Variants in SEPTIN9 observed in about 807,000 individuals in gnomAD.
SEPTIN9 encodes the protein septin-9.
SEPTIN9 carries 13 observed loss-of-function variants against 56.6 expected under a neutral mutation model. The observed-to-expected ratio is 0.23, with a 90% CI of 0.15 to 0.37. The LOEUF (loss-of-function observed/expected upper bound fraction) is 0.37, where lower values mean the gene tolerates loss of function less well. Among genes scored for constraint, SEPTIN9 ranks in the 10% least tolerant of loss-of-function variants. SEPTIN9 has a pLI of 1.00. For missense variants in SEPTIN9, 650 were observed against 823.1 expected, an observed-to-expected ratio of 0.79 and a Z score of 2.57; for synonymous variants, 332 against 334.1, an observed-to-expected ratio of 0.99 and a Z score of 0.07.
intron 2 of SEPTIN9, chr17:77,374,853 CG>C (rs1248159018): frequency 2.0e-5 from 3 of 152,140 alleles, no homozygotes; most frequent in Non-Finnish European, 4.4e-5. Context: ...TGTGGGGCGG[CG>C]AAGGGACGGG....
rs2039161144 is a variant in SEPTIN9 at position 77,475,261 on chromosome 17, ACTGT to A, written c.722-6879_722-6876del. ...ATTATTCAGTTACCATCGTGGGGAG[ACTGT>A]CTGGACGCAGAGAGCAGGCTCTGTG... On this transcript the variant is annotated intron_variant, in intron 3 of 11. Transcript: ENST00000427177. The surrounding 1 kb of genome is among the most constrained non-coding windows in gnomAD (Gnocchi z 4.6). 2.2e-6 allele frequency: 3 copies of A among 1,380,780 alleles called. No individual in the cohort carries two copies. The highest frequency in any genetic ancestry group is 1.7e-5 in the South Asian group (1 of 59,100). The allele number at this position is 1,380,780 out of a possible 1,614,324, so 85.5% of individuals were successfully genotyped here.
intron 2 of SEPTIN9, chr17:77,373,526 T>C: frequency 1.3e-6 from 2 of 1,544,528 alleles, no homozygotes; most frequent in Non-Finnish European, 1.7e-6. Context: ...AACGCGCAGC[T>C]GGATGGGATC....
At chr17:77,348,256 GTTAA>G (rs1216291611) in intron 2 of SEPTIN9, among the ~76,000 whole-genome samples, 8 of 116,114 alleles carry the variant, frequency 6.9e-5, no homozygotes, top group Non-Finnish European at 1.5e-4. Context: ...CTTCTTTTAT[GTTAA>G]TTAAGTATTT....
At chr17:77,490,939 A>G in intron 8 of SEPTIN9, 80 bp downstream of exon 8, 1 of 1,118,874 alleles carries the variant, frequency 8.9e-7, no homozygotes, top group African/African-American at 1.5e-5. Context: ...CACCCCGTCT[A>G]AAGGAGTCAC....
At chr17:77,293,205 G>T (rs770726878) in intron 1 of SEPTIN9, among the ~76,000 whole-genome samples, 10 of 151,966 alleles carry the variant, frequency 6.6e-5, no homozygotes, top group Non-Finnish European at 1.3e-4. Flanking sequence ...TTTTTGTAGA[G>T]ACAGGGTCTT....
At chr17:77,393,805 C>T (rs776637067) in intron 2 of SEPTIN9, among the ~76,000 whole-genome samples, 6 of 152,192 alleles carry the variant, frequency 3.9e-5, no homozygotes, top group East Asian at 1.9e-4. Context: ...AGGCTGGTCT[C>T]GAACTCCTGA....
At chr17:77,301,098 G>C (rs899321456) in intron 1 of SEPTIN9, among the ~76,000 whole-genome samples, 1 of 137,146 alleles carries the variant, frequency 7.3e-6, no homozygotes, top group East Asian at 2.2e-4. Flanking sequence ...GGCTCAAACC[G>C]CCCCCACCCC....
At position 77,488,280 on chromosome 17, in the gene SEPTIN9, T is replaced by C. The variant is rs1286148666; in HGVS notation, c.1083T>C (p.Ile361=). 6.2e-7 allele frequency: 1 copy of C among 1,613,760 alleles called. No homozygotes were observed. Among genetic ancestry groups the C allele is most frequent in the Admixed American group, 1.7e-5 (1 of 60,026 alleles). The part of the protein sequence containing the change: ...EKGVRMKLTV[I]DTPGFGDHIN... The stretch of plus-strand genomic sequence containing the variant: ...GCGTCCGGATGAAGCTGACAGTGAT[T>C]GACACACCAGGGTTCGGGGACCACA... Residue 361 remains isoleucine, a synonymous_variant, in exon 6 of 12, where the codon ATT becomes ATC. Coordinates refer to ENST00000427177, the MANE Select transcript of SEPTIN9 (RefSeq NM_001113491.2).
intron 3 of SEPTIN9, among the ~76,000 whole-genome samples, chr17:77,411,398 T>C (rs1397574870): frequency 1.6e-5 from 1 of 63,452 alleles, no homozygotes; most frequent in East Asian, 3.3e-4. Flanking sequence ...TTTCTTTTTC[T>C]TTTTTTTTTT....
intron 7 of SEPTIN9, among the ~76,000 whole-genome samples, chr17:77,490,076 G>A (rs967969824): frequency 1.3e-5 from 2 of 152,230 alleles, no homozygotes; most frequent in East Asian, 1.9e-4. Flanking sequence ...CGCCCAAGGC[G>A]TCCAGTCCCA....
At chr17:77,468,264 CAAAAAAAACA>C (rs1275769777) in intron 3 of SEPTIN9, among the ~76,000 whole-genome samples, 18 of 149,196 alleles carry the variant, frequency 1.2e-4, no homozygotes, top group African/African-American at 4.1e-4. Context: ...GACTCCATCT[CAAAAAAAACA>C]AAACAAAACA....
chr17:77,354,061 G>A (rs890154486), intron 2 of SEPTIN9, among the ~76,000 whole-genome samples: 3 of 152,194 alleles, frequency 2.0e-5, no homozygotes, highest in Non-Finnish European at 4.4e-5. Flanking sequence ...CCACAGAGAA[G>A]AAGGGTCAAG....
chr17:77,358,284 T>C (rs2034316273), intron 2 of SEPTIN9, among the ~76,000 whole-genome samples: 2 of 152,202 alleles, frequency 1.3e-5, no homozygotes, highest in African/African-American at 4.8e-5. Flanking sequence ...CTCATGTTTG[T>C]GTTTGTCCCC....
chr17:77,345,931 G>GTTGTT (rs10535531), intron 2 of SEPTIN9, among the ~76,000 whole-genome samples: 5,317 of 149,044 alleles, frequency 0.036, 204 homozygotes, highest in African/African-American at 0.096. Context: ...TGTTTTTTTT[G>GTTGTT]TTGTTTTGTT....
At position 77,429,182 on chromosome 17, in the gene SEPTIN9, T is replaced by TGAGGCC. The variant is rs1326912402; in HGVS notation, c.721+26485_721+26490dup. The TGAGGCC allele has an allele frequency of 1.3e-5, 6 of 472,028 alleles. No individual in the cohort carries two copies. The highest frequency in any genetic ancestry group is 4.0e-5 in the African/African-American group (2 of 50,102). 29.2% of individuals were successfully genotyped at this position (472,028 alleles called of 1,614,324 possible). A position where few individuals can be genotyped will look rare whatever the true frequency, so the allele number is the denominator to read the frequency against. ...CAGCTCCTGAGGCCAAGACCAAGGC[T>TGAGGCC]GAGGCCGAGGCTGAGGCTGAGGCCA... On this transcript the variant is annotated intron_variant, in intron 3 of 11. Transcript: ENST00000427177. This position sits in a 1 kb window ranked among gnomAD's most constrained non-coding sequence, Gnocchi z 5.2.
intron 3 of SEPTIN9, among the ~76,000 whole-genome samples, chr17:77,479,311 T>A (rs1023734523): frequency 6.6e-6 from 1 of 152,166 alleles, no homozygotes; most frequent in Non-Finnish European, 1.5e-5. Context: ...GGGGCCAGGA[T>A]GAAAGTGTCT....
chr17:77,301,090 C>A (rs1416174330), intron 1 of SEPTIN9, among the ~76,000 whole-genome samples: 1 of 148,696 alleles, frequency 6.7e-6, no homozygotes, highest in African/African-American at 2.5e-5. Flanking sequence ...CCATCCTAGG[C>A]TCAAACCGCC....
chr17:77,381,336 C>T (rs189572263), intron 2 of SEPTIN9, among the ~76,000 whole-genome samples: 2 of 152,332 alleles, frequency 1.3e-5, no homozygotes, highest in Admixed American at 1.3e-4. Flanking sequence ...GATGGCTCTG[C>T]TCCTGCCAGG....
At chr17:77,486,519 TGTGC>T (rs1311983254) in intron 4 of SEPTIN9, among the ~76,000 whole-genome samples, 29 of 106,718 alleles carry the variant, frequency 2.7e-4, no homozygotes, top group Non-Finnish European at 4.3e-4. Flanking sequence ...TGTGTGTGTG[TGTGC>T]GCGCACGCGC....
Sources: gnomAD v4.1 joint callset for allele counts (sites outside exome capture counted in the v4.1 genomes callset) on GRCh38, gnomAD v4.1.1 for gene constraint, Gnocchi (gnomAD v3.1) non-coding constraint, MANE v1.5 for transcripts, NCBI Gene and HGNC (gene_info 2026-07-23, HGNC 2026-07-21) for gene names.